Variants in SHOC1 observed in about 807,000 individuals in gnomAD.
The protein encoded by SHOC1 is shortage in chiasmata 1.
Under a neutral mutation model 179.2 loss-of-function variants are expected in SHOC1, and 136 were observed. The observed-to-expected ratio is 0.76, with a 90% CI of 0.66 to 0.87. The LOEUF (loss-of-function observed/expected upper bound fraction) is 0.87, where lower values mean the gene tolerates loss of function less well. Ranked by LOEUF, SHOC1 falls within the 40% of genes least tolerant of loss-of-function variation. The pLI is 0.00. For missense variants in SHOC1, 1,538 were observed against 1,700.8 expected (o/e 0.90, Z 1.68); for synonymous variants, 489 against 586.6 (o/e 0.83, Z 2.41).
At chr9:111,784,159 G>A (rs1836179973) in intron 3 of SHOC1, among the ~76,000 whole-genome samples, 2 of 152,184 alleles carry the variant, frequency 1.3e-5, no homozygotes, top group South Asian at 2.1e-4. Context: ...CTGAGCAGCT[G>A]TGCTCAAGAT....
chr9:111,781,724 GTAAATAAA>G (rs58575917), intron 3 of SHOC1, among the ~76,000 whole-genome samples: 18 of 135,048 alleles, frequency 1.3e-4, no homozygotes, highest in Admixed American at 1.1e-3. Flanking sequence ...GTGAGACTCT[GTAAATAAA>G]TAAATAAATA....
intron 2 of SHOC1, among the ~76,000 whole-genome samples, chr9:111,789,483 GTTTT>G (rs975231274): frequency 6.7e-6 from 1 of 149,574 alleles, no homozygotes; most frequent in Non-Finnish European, 1.5e-5. Context: ...AAGATTTTAA[GTTTT>G]TTTAAGTTTT....
intron 5 of SHOC1, among the ~76,000 whole-genome samples, chr9:111,769,986 G>GTTTTTTTTTTTTTTTTTTTTT (rs769266659): frequency 1.3e-4 from 10 of 77,628 alleles, no homozygotes; most frequent in Non-Finnish European, 1.9e-4. Context: ...TTTTTTTTTT[G>GTTTTTTTTTTTTTTTTTTTTT]TTTTTTTTTT....
At chr9:111,714,844 T>G (rs1252232109) in intron 16 of SHOC1, among the ~76,000 whole-genome samples, 1 of 152,200 alleles carries the variant, frequency 6.6e-6, no homozygotes, top group East Asian at 1.9e-4. Flanking sequence ...TACATTAATA[T>G]ATGCTACACA....
chr9:111,688,810 CT>C (rs1438968372), intron 27 of SHOC1, among the ~76,000 whole-genome samples: 1 of 105,862 alleles, frequency 9.4e-6, no homozygotes, highest in Non-Finnish European at 1.7e-5. Flanking sequence ...AATACTCTTG[CT>C]TTTAAGTTTT....
chr9:111,760,355 A>G (rs1290499692), intron 5 of SHOC1, among the ~76,000 whole-genome samples: 1 of 152,164 alleles, frequency 6.6e-6, no homozygotes, highest in Non-Finnish European at 1.5e-5. Context: ...CATGCCCTGG[A>G]GTTCTTATTT....
At chr9:111,742,072 G>A (rs1834068568) in intron 10 of SHOC1, among the ~76,000 whole-genome samples, 1 of 152,054 alleles carries the variant, frequency 6.6e-6, no homozygotes, top group Admixed American at 6.6e-5. Flanking sequence ...TCCATCCTTG[G>A]GAAAGTTTGG....
At chr9:111,744,304 A>G (rs776685416) in intron 10 of SHOC1, among the ~76,000 whole-genome samples, 4 of 152,246 alleles carry the variant, frequency 2.6e-5, no homozygotes, top group Admixed American at 6.5e-5. Flanking sequence ...GTATTTAAAC[A>G]AAGTGTATGT....
At chr9:111,700,070 ATTTCT>A in intron 23 of SHOC1, 23 bp from the exon 24 acceptor site, 3 of 1,122,952 alleles carry the variant, frequency 2.7e-6, no homozygotes, top group Non-Finnish European at 4.0e-6. Flanking sequence ...ATATTACTAT[ATTTCT>A]ATTCATTTGA....
intron 5 of SHOC1, among the ~76,000 whole-genome samples, chr9:111,773,930 G>A (rs1400405948): frequency 6.6e-6 from 1 of 151,834 alleles, no homozygotes; most frequent in East Asian, 1.9e-4. Context: ...TACAAATCTG[G>A]CAGCAATCAA....
rs879025175 is a variant in SHOC1, at chr9:111,705,174, C to T, written c.2855+73G>A. The T allele has an allele frequency of 2.6e-4, 143 of 552,384 alleles. 1 individual carries two copies. The highest frequency in any genetic ancestry group is 1.8e-3 in the African/African-American group (71 of 40,130). The allele number at this position is 552,384 out of a possible 1,614,324, so 34.2% of individuals were successfully genotyped here. On this transcript the variant is annotated intron_variant, in intron 21 of 27. Coordinates refer to ENST00000682961, the MANE Select transcript of SHOC1 (RefSeq NM_001378211.1). ...TTTAGCCTATCAGAATATATATACA[C>T]ACACACACACACACACACACACATA...
At chr9:111,720,800 A>C (rs974388797) in intron 15 of SHOC1, among the ~76,000 whole-genome samples, 4 of 152,214 alleles carry the variant, frequency 2.6e-5, no homozygotes, top group Non-Finnish European at 4.4e-5. Context: ...AGTTTGATCT[A>C]GGTCTTTTTA....
intron 10 of SHOC1, among the ~76,000 whole-genome samples, chr9:111,741,889 C>T (rs1013550245): frequency 3.9e-5 from 6 of 152,150 alleles, no homozygotes; most frequent in African/African-American, 9.7e-5. Context: ...ACCTTGGCCT[C>T]CCAAAGTGCT....
intron 27 of SHOC1, among the ~76,000 whole-genome samples, chr9:111,687,896 G>A (rs16916297): frequency 0.076 from 11,515 of 152,040 alleles, 655 homozygotes; most frequent in South Asian, 0.21. Context: ...TTCGTTTCAG[G>A]GAGAGGTTAT....
intron 12 of SHOC1, among the ~76,000 whole-genome samples, chr9:111,729,306 C>G (rs1012479739): frequency 2.7e-5 from 4 of 150,154 alleles, no homozygotes; most frequent in African/African-American, 7.3e-5. Flanking sequence ...CAAAGTTTTG[C>G]TATGTTGCCC....
intron 5 of SHOC1, among the ~76,000 whole-genome samples, chr9:111,761,283 C>A (rs1002437267): frequency 2.6e-5 from 4 of 152,176 alleles, no homozygotes; most frequent in African/African-American, 9.7e-5. Context: ...GGGCAGATCA[C>A]TGGATGTCAG....
At chr9:111,696,607 G>A (rs1831703762) in intron 24 of SHOC1, among the ~76,000 whole-genome samples, 1 of 152,090 alleles carries the variant, frequency 6.6e-6, no homozygotes, top group Admixed American at 6.6e-5. Context: ...TGTTTGGAAT[G>A]GATTGTTCCT....
At position 111,691,853 on chromosome 9, in the gene SHOC1, T is replaced by G. The variant is rs373623717; in HGVS notation, c.4124A>C (p.Gln1375Pro). The change falls in exon 27 of 28, where the codon CAA (glutamine) becomes CCA (proline). Residue 1375 changes from glutamine (Q) to proline (P), a missense_variant. Gln to Pro is a moderately conservative substitution (Grantham distance 76). Transcript: ENST00000682961. ...ACATGCAGTCTGCTGTGCACCATAT[T>G]GTAAGTTGAACGGGTGATTCTCTTG... ...WEQENHPFNL[Q>P]YGAQQTACNK... 6 of 1,613,682 alleles carry G rather than the reference T, an allele frequency of 3.7e-6. No individual in the cohort carries two copies. The highest frequency in any genetic ancestry group is 5.1e-6 in the Non-Finnish European group (6 of 1,179,948).
chr9:111,720,910 G>C (rs768916006), intron 15 of SHOC1, among the ~76,000 whole-genome samples: 1 of 152,106 alleles, frequency 6.6e-6, no homozygotes, highest in Non-Finnish European at 1.5e-5. Context: ...GGTTTGTTTT[G>C]ATTTATTATT....
Sources: allele counts gnomAD v4.1 joint callset (sites outside exome capture counted in the v4.1 genomes callset), GRCh38; gene constraint gnomAD v4.1.1; transcripts MANE v1.5; gene names NCBI Gene and HGNC (gene_info 2026-07-23, HGNC 2026-07-21).